Variants in PARVA observed in about 807,000 individuals in gnomAD.
PARVA encodes the protein parvin alpha.
PARVA carries 25 observed loss-of-function variants against 52.6 expected under a neutral mutation model. The ratio of observed to expected loss-of-function variants is 0.48; its 90% CI spans 0.35 to 0.66. The LOEUF (loss-of-function observed/expected upper bound fraction) is 0.66. Ranked by LOEUF, PARVA falls within the 30% of genes least tolerant of loss-of-function variation. The pLI is 0.01. For synonymous variants in PARVA, 185 were observed against 179.1 expected (o/e 1.03, Z -0.26); for missense variants, 373 against 450.9 (o/e 0.83, Z 1.56).
Position 12,470,721 on chromosome 11 carries a change from C to A in PARVA, c.137-3024C>A, listed in dbSNP as rs143618363. Among the ~76,000 whole-genome samples the A allele has an allele frequency of 3.5e-3, 533 of 152,144 alleles. 1 individual carries two copies. The highest frequency in any genetic ancestry group is 0.02 in the Middle Eastern group (6 of 294). On this transcript the variant is annotated intron_variant, in intron 1 of 12. Transcript: ENST00000334956. The stretch of plus-strand genomic sequence containing the variant: ...AAAACATGAGAGGGAGGTGGGAGGG[C>A]GCTAATCAGAGTCTCATAGAATAAA...
At chr11:12,505,455 G>C (rs886392945) in intron 6 of PARVA, among the ~76,000 whole-genome samples, 2 of 152,202 alleles carry the variant, frequency 1.3e-5, no homozygotes, top group African/African-American at 2.4e-5. Context: ...CAACTGATCA[G>C]TTGTCCCCCA....
intron 1 of PARVA, among the ~76,000 whole-genome samples, chr11:12,448,511 G>A (rs1020173838): frequency 6.6e-6 from 1 of 152,180 alleles, no homozygotes; most frequent in African/African-American, 2.4e-5. Flanking sequence ...CTGGGATGAG[G>A]TGCTCAGCAG....
chr11:12,402,685 T>C (rs771830852), intron 1 of PARVA, among the ~76,000 whole-genome samples: 1 of 152,210 alleles, frequency 6.6e-6, no homozygotes, highest in Non-Finnish European at 1.5e-5. Flanking sequence ...CATAGTAGGC[T>C]CTCAATAAAT....
At chr11:12,484,026 C>T (rs1941123996) in intron 4 of PARVA, among the ~76,000 whole-genome samples, 4 of 152,212 alleles carry the variant, frequency 2.6e-5, no homozygotes, top group Non-Finnish European at 5.9e-5. Flanking sequence ...TATACTCTTA[C>T]TCCATGGCAT....
chr11:12,381,308 T>G (rs1349280156), intron 1 of PARVA, among the ~76,000 whole-genome samples: 2 of 152,226 alleles, frequency 1.3e-5, no homozygotes, highest in African/African-American at 4.8e-5. Flanking sequence ...CTCTGTAGAA[T>G]CTGCCTTCTT....
intron 1 of PARVA, among the ~76,000 whole-genome samples, chr11:12,391,363 T>G (rs1939656143): frequency 2.6e-5 from 4 of 152,204 alleles, no homozygotes; most frequent in Non-Finnish European, 4.4e-5. Context: ...TCGTTCAGTT[T>G]GTGAGATCCC....
intron 1 of PARVA, among the ~76,000 whole-genome samples, chr11:12,394,945 C>G (rs138934843): frequency 0.091 from 13,860 of 151,756 alleles, 764 homozygotes; most frequent in African/African-American, 0.14. Context: ...TACAAAATTA[C>G]CTGGGCGTGG....
intron 4 of PARVA, 88 bp from the exon 5 acceptor site, chr11:12,496,370 G>GC: frequency 7.9e-6 from 11 of 1,384,434 alleles, no homozygotes; most frequent in African/African-American, 1.4e-5. Flanking sequence ...ATGAGTGCAT[G>GC]AGAGACCGAA....
chr11:12,392,330 G>A (rs1415599319), intron 1 of PARVA, among the ~76,000 whole-genome samples: 5 of 149,308 alleles, frequency 3.3e-5, no homozygotes, highest in East Asian at 3.9e-4. Flanking sequence ...GTGCAGTGGC[G>A]CGATGTCAGC....
chr11:12,508,907 C>T (rs1306011354), intron 7 of PARVA, among the ~76,000 whole-genome samples: 1 of 151,944 alleles, frequency 6.6e-6, no homozygotes, highest in Admixed American at 6.5e-5. Context: ...AAAAAGTGTG[C>T]CCAAAAAAAG....
At chr11:12,403,476 C>T (rs941524046) in intron 1 of PARVA, among the ~76,000 whole-genome samples, 1 of 152,190 alleles carries the variant, frequency 6.6e-6, no homozygotes, top group Admixed American at 6.5e-5. Flanking sequence ...CCACTGTGTG[C>T]GTGGGAGGTT....
intron 12 of PARVA, among the ~76,000 whole-genome samples, chr11:12,520,578 C>G (rs1941623811): frequency 6.6e-6 from 1 of 152,196 alleles, no homozygotes; most frequent in Admixed American, 6.5e-5. Context: ...AGATGACTTG[C>G]TGCCCAGGCT....
Position 12,517,669 on chromosome 11 carries a change from C to G in PARVA, c.927C>G (p.Pro309=). 1 of 1,605,642 alleles carries G rather than the reference C, an allele frequency of 6.2e-7. No individual in the cohort carries two copies. The highest frequency in any genetic ancestry group is 1.7e-5 in the Admixed American group (1 of 59,010). The part of the protein sequence containing the change: ...LMGLLEGYFV[P]LHSFFLTPDS... Reference sequence around the variant, plus strand: ...GGCTCCTGGAGGGCTACTTTGTGCCCCTGCACAGCTTCTTCCTGACCCCGG... The same window carrying G: ...GGCTCCTGGAGGGCTACTTTGTGCCGCTGCACAGCTTCTTCCTGACCCCGG... Residue 309 remains proline, a synonymous_variant, in exon 11 of 13, where the codon CCC becomes CCG. Transcript: ENST00000334956.
chr11:12,401,565 G>A (rs747116440), intron 1 of PARVA, among the ~76,000 whole-genome samples: 14 of 152,238 alleles, frequency 9.2e-5, no homozygotes, highest in Non-Finnish European at 1.6e-4. Context: ...GTTTACCTTG[G>A]TCATGAATCT....
At chr11:12,382,568 AT>A in intron 1 of PARVA, among the ~76,000 whole-genome samples, 1 of 152,168 alleles carries the variant, frequency 6.6e-6, no homozygotes, top group South Asian at 2.1e-4. Flanking sequence ...CATGTAAAAA[AT>A]GTCCTCCTAA....
intron 1 of PARVA, among the ~76,000 whole-genome samples, chr11:12,397,343 A>G (rs1046334915): frequency 2.6e-5 from 4 of 152,216 alleles, no homozygotes; most frequent in Admixed American, 2.0e-4. Context: ...GGCTACAGGC[A>G]TGAGCCACTG....
chr11:12,424,407 T>G (rs1940197238), intron 1 of PARVA, among the ~76,000 whole-genome samples: 1 of 152,248 alleles, frequency 6.6e-6, no homozygotes, highest in Non-Finnish European at 1.5e-5. Flanking sequence ...AGGAACATCT[T>G]ATGCTTCTAC....
intron 1 of PARVA, among the ~76,000 whole-genome samples, chr11:12,383,413 C>T (rs879720419): frequency 9.9e-5 from 15 of 152,248 alleles, no homozygotes; most frequent in Non-Finnish European, 2.2e-4. Context: ...TTTACCCATT[C>T]ATTTAAGTTT....
In PARVA at chr11:12,528,252, C is replaced by T; in HGVS notation, c.*327C>T. 2.7e-6 allele frequency: 1 copy of T among 375,524 alleles called. No individual in the cohort carries two copies. The highest frequency in any genetic ancestry group is 2.0e-5 in the African/African-American group (1 of 49,856). 23.3% of individuals were successfully genotyped at this position (375,524 alleles called of 1,614,324 possible). A position where few individuals can be genotyped will look rare whatever the true frequency, so the allele number is the denominator to read the frequency against. On this transcript the variant is annotated 3_prime_UTR_variant, in exon 13 of 13. Transcript: ENST00000334956. Reference sequence around the variant, plus strand: ...GTCCCCACAAGATGAAAATAAAGATCCTAGTTACCATTCAAAGGATGCTAA... The same window carrying T: ...GTCCCCACAAGATGAAAATAAAGATTCTAGTTACCATTCAAAGGATGCTAA...
Sources: gnomAD v4.1 joint callset for allele counts (sites outside exome capture counted in the v4.1 genomes callset) on GRCh38, gnomAD v4.1.1 for gene constraint, MANE v1.5 for transcripts, NCBI Gene and HGNC (gene_info 2026-07-23, HGNC 2026-07-21) for gene names.